Variants in KLK11 observed in about 807,000 individuals in gnomAD.
KLK11 encodes the protein kallikrein-11.
KLK11 carries 10 observed loss-of-function variants against 23.4 expected under a neutral mutation model. The ratio of observed to expected loss-of-function variants is 0.43; its 90% confidence interval spans 0.26 to 0.73. KLK11 has a LOEUF of 0.73. Ranked by LOEUF, KLK11 falls within the 30% of genes least tolerant of loss-of-function variation. The pLI is 0.22. For synonymous variants in KLK11, 131 were observed against 131.7 expected (o/e 0.99, Z 0.03); for missense variants, 285 against 327.8 (o/e 0.87, Z 1.01).
At chr19:51,026,470 A>G in intron 1 of KLK11, 68 bp downstream of exon 1, 1 of 696,724 alleles carries the variant, frequency 1.4e-6, no homozygotes, top group Non-Finnish European at 1.8e-6. Flanking sequence ...CCCGAGTGGG[A>G]CAGGTGTCCT....
At chr19:51,023,333 C>T in intron 4 of KLK11, 105 bp from the exon 5 acceptor site, 1 of 1,390,906 alleles carries the variant, frequency 7.2e-7, no homozygotes, top group Non-Finnish European at 9.8e-7. Flanking sequence ...TCCTTAGACG[C>T]AGCCAACTCA....
In KLK11 at chr19:51,024,098, G is replaced by A; in HGVS notation, c.410C>T (p.Thr137Ile). 1 of 1,577,480 alleles carries A rather than the reference G, an allele frequency of 6.3e-7. No homozygotes were observed. The highest frequency in any genetic ancestry group is 8.6e-7 in the Non-Finnish European group (1 of 1,156,430). The stretch of plus-strand genomic sequence containing the variant: ...GGAAATGAGGCAGCTGGTGCCAGCA[G>A]TGACACAGCGTGAGGAGAGGGTGAG... ...RPLTLSSRCVTAGTSCLISGW... is the reference protein window; with the variant it reads ...RPLTLSSRCVIAGTSCLISGW... Residue 137 changes from threonine to isoleucine, a missense_variant, in exon 4 of 6, where the codon ACT becomes ATT. Transcript: ENST00000453757. The surrounding 1 kb of genome is among the most constrained non-coding windows in gnomAD (Gnocchi z 6.2).
At position 51,023,133 on chromosome 19, in the gene KLK11, C is replaced by G; in HGVS notation, c.559G>C (p.Val187Leu). ...CCCCCTTCCTGCACGCTGGCACACA[C>G]CATGGTGTCTGTGATGTTGCCGGGG... Reference protein sequence around the residue: ...AYPGNITDTMVCASVQEGGKD... With the variant: ...AYPGNITDTMLCASVQEGGKD... The change falls in exon 5 of 6, where the codon GTG becomes CTG. Residue 187 changes from valine (V) to leucine (L), a missense_variant. Physicochemically the swap from Val to Leu is conservative, Grantham distance 32 (BLOSUM62 1). Coordinates refer to ENST00000453757, the MANE Select transcript of KLK11 (RefSeq NM_001136032.3). The G allele has an allele frequency of 6.2e-7, 1 of 1,613,018 alleles. No homozygotes were observed. The highest frequency in any genetic ancestry group is 8.5e-7 in the Non-Finnish European group (1 of 1,179,624).
At position 51,022,283 on chromosome 19, in the gene KLK11, T is replaced by C. The variant is rs2091413146; in HGVS notation, c.*262A>G. ...AACCTTGATATATGGCCAGGAGCTGTCTTTGGGGCTGGGGATACAACAGAG... is the reference window on the plus strand; with the variant it reads ...AACCTTGATATATGGCCAGGAGCTGCCTTTGGGGCTGGGGATACAACAGAG... On this transcript the variant is annotated 3_prime_UTR_variant, in exon 6 of 6. Coordinates refer to ENST00000453757, the MANE Select transcript of KLK11 (RefSeq NM_001136032.3). 2 of 519,014 alleles carry C rather than the reference T, an allele frequency of 3.9e-6. No homozygotes were observed. The highest frequency in any genetic ancestry group is 6.5e-5 in the Admixed American group (2 of 30,952). 32.2% of individuals were successfully genotyped at this position (519,014 alleles called of 1,614,324 possible).
In KLK11 at chr19:51,025,705, G is replaced by C. The variant is rs374127231; in HGVS notation, c.-35-39C>G. Reference sequence around the variant, plus strand: ...GGGACATGGGGCCGCATCACTTTACGGGGAAATCGGGAGGGGGGGGCTGGC... The same window carrying C: ...GGGACATGGGGCCGCATCACTTTACCGGGAAATCGGGAGGGGGGGGCTGGC... On this transcript the variant is annotated intron_variant, in intron 1 of 5. Coordinates refer to ENST00000453757, the MANE Select transcript of KLK11 (RefSeq NM_001136032.3). This position sits in a 1 kb window ranked among gnomAD's most constrained non-coding sequence, Gnocchi z 6.2. 3.4e-5 allele frequency: 33 copies of C among 972,414 alleles called. No homozygotes were observed. The highest frequency in any genetic ancestry group is 5.1e-5 in the Admixed American group (2 of 39,040). The allele number at this position is 972,414 out of a possible 1,614,324, so 60.2% of individuals were successfully genotyped here.
rs922442784 is a variant in KLK11, at chr19:51,025,455, A to G, written c.40+137T>C. Reference sequence around the variant, plus strand: ...CTAGAAGGGCATCCAGGCCCTCATGACCACTGCTCCAGTTCAGGTGCCTTA... The same window carrying G: ...CTAGAAGGGCATCCAGGCCCTCATGGCCACTGCTCCAGTTCAGGTGCCTTA... On this transcript the variant is annotated intron_variant, in intron 2 of 5. Transcript: ENST00000453757. The surrounding 1 kb of genome is among the most constrained non-coding windows in gnomAD (Gnocchi z 6.2). 1.9e-6 allele frequency: 1 copy of G among 518,394 alleles called. No homozygotes were observed. Among genetic ancestry groups the G allele is most frequent in the African/African-American group, 2.0e-5 (1 of 50,122 alleles). The allele number at this position is 518,394 out of a possible 1,614,324, so 32.1% of individuals were successfully genotyped here.
Position 51,024,212 on chromosome 19 carries a change from T to C in KLK11, c.296A>G (p.Asn99Ser), listed in dbSNP as rs768799596. The change falls in exon 4 of 6, where the codon AAC becomes AGC. Residue 99 changes from asparagine (N) to serine (S), a missense_variant. Coordinates refer to ENST00000453757, the MANE Select transcript of KLK11 (RefSeq NM_001136032.3). This position sits in a 1 kb window ranked among gnomAD's most constrained non-coding sequence, Gnocchi z 6.2. ...GTGGTCTTTGTTGGGGAGGCTGTTGTTGAAGCCGGGGTGGGGGAAGGACTC... is the reference window on the plus strand; with the variant it reads ...GTGGTCTTTGTTGGGGAGGCTGTTGCTGAAGCCGGGGTGGGGGAAGGACTC... ...ATESFPHPGF[N>S]NSLPNKDHRN... 27 of 1,613,948 alleles carry C rather than the reference T, an allele frequency of 1.7e-5. No individual in the cohort carries two copies. In the Admixed American group the frequency reaches 3.7e-4, roughly 22 times the overall value.
In KLK11 at chr19:51,026,602, C is replaced by G; in HGVS notation, c.-100G>C. The G allele has an allele frequency of 1.0e-6, 1 of 986,878 alleles. No homozygotes were observed. The allele number at this position is 986,878 out of a possible 1,614,324, so 61.1% of individuals were successfully genotyped here. A position where few individuals can be genotyped will look rare whatever the true frequency, so the allele number is the denominator to read the frequency against. On this transcript the variant is annotated 5_prime_UTR_variant, in exon 1 of 6. Coordinates refer to ENST00000453757, the MANE Select transcript of KLK11 (RefSeq NM_001136032.3). ...GAGACGGCAGTGGCGGCAGCTACAG[C>G]AGGTAGGCTGGGTTGGAGCGCCAGG...
At chr19:51,026,440 AG>A in intron 1 of KLK11, 97 bp downstream of exon 1, 1 of 403,814 alleles carries the variant, frequency 2.5e-6, no homozygotes. Context: ...AGAAGGACAG[AG>A]CAGAGGGAGA....
rs145172459 is a variant in KLK11, at chr19:51,025,640, G to A, written c.-9C>T. On this transcript the variant is annotated 5_prime_UTR_variant, in exon 2 of 6. Transcript: ENST00000453757. This position sits in a 1 kb window ranked among gnomAD's most constrained non-coding sequence, Gnocchi z 6.2. The stretch of plus-strand genomic sequence containing the variant: ...AACTGCAGAATCCTCATGGCCTGGA[G>A]GGGGGAGGAGCGGGCCCCAGGTTCC... 276 of 1,585,286 alleles carry A rather than the reference G, an allele frequency of 1.7e-4. No homozygotes were observed. In the African/African-American group the frequency reaches 3.1e-3, roughly 18 times the overall value.
chr19:51,023,946 C>A, intron 4 of KLK11, 99 bp downstream of exon 4: 2 of 1,051,952 alleles, frequency 1.9e-6, no homozygotes, highest in Non-Finnish European at 2.6e-6. Flanking sequence ...TATCCCACAT[C>A]GTCACTGTGA....
chr19:51,022,551 G>A lies in KLK11; in HGVS notation c.747C>T (p.Asn249=), dbSNP rs749451322. The change falls in exon 6 of 6, where the codon AAC becomes AAT. Residue 249 remains asparagine (N), a synonymous_variant. Coordinates refer to ENST00000453757, the MANE Select transcript of KLK11 (RefSeq NM_001136032.3). ...TGTGGTGGGTGGGTCCAGTCTAATTGTTCTTCATCGTCTCCTGGATCCAGT... is the reference window on the plus strand; with the variant it reads ...TGTGGTGGGTGGGTCCAGTCTAATTATTCTTCATCGTCTCCTGGATCCAGT... ...YVDWIQETMK[N]N is the part of the protein sequence containing the mutation. The A allele has an allele frequency of 5.5e-5, 88 of 1,614,112 alleles. No homozygotes were observed. The highest frequency in any genetic ancestry group is 7.2e-5 in the Non-Finnish European group (85 of 1,180,032).
In KLK11 at chr19:51,024,273, T is replaced by C. The variant is rs1480902377; in HGVS notation, c.235A>G (p.Lys79Glu). Residue 79 changes from lysine (K) to glutamate (E), a missense_variant, in exon 4 of 6, where the codon AAG becomes GAG. By Grantham distance (56) the Lys-to-Glu change is moderately conservative. Transcript: ENST00000453757. The surrounding 1 kb of genome is among the most constrained non-coding windows in gnomAD (Gnocchi z 6.2). ...CGGGTCTGCTCACAGCCCTCCTCCT[T>C]CTGGAGGTTGTGCTGCCCCAGGTGA... ...IVHLGQHNLQ[K>E]EEGCEQTRTA... 6.2e-7 allele frequency: 1 copy of C among 1,613,828 alleles called. No individual in the cohort carries two copies. The highest frequency in any genetic ancestry group is 8.5e-7 in the Non-Finnish European group (1 of 1,179,910).
At position 51,023,241 on chromosome 19, in the gene KLK11, C is replaced by A. The variant is rs763964723; in HGVS notation, c.464-13G>T. 1.2e-6 allele frequency: 2 copies of A among 1,610,428 alleles called. No homozygotes were observed. Among genetic ancestry groups the A allele is most frequent in the Non-Finnish European group, 1.7e-6 (2 of 1,179,062 alleles). ...TGAGGCAGGCGTACTGTGGAAACAG[C>A]GTGAGGGGCTGTGGGAATGAGCCCC... On this transcript the variant is annotated splice_polypyrimidine_tract_variant and intron_variant, in intron 4 of 5. Transcript: ENST00000453757.
rs962621014 is a variant in KLK11 at position 51,026,322 on chromosome 19, A to G, written c.-36+216T>C. Among the ~76,000 whole-genome samples, 24 of 151,954 alleles carry G rather than the reference A, an allele frequency of 1.6e-4. 1 individual carries two copies. The highest frequency in any genetic ancestry group is 5.8e-4 in the African/African-American group (24 of 41,444). The stretch of plus-strand genomic sequence containing the variant: ...CCCTGGCCAGCGGGGGTGGGAGCAG[A>G]GGGCCAGCTCAGCAGCTGAAGCCAT... On this transcript the variant is annotated intron_variant, in intron 1 of 5. Transcript: ENST00000453757.
At chr19:51,023,946 C>T (rs574500131) in intron 4 of KLK11, 99 bp downstream of exon 4, 15 of 1,051,948 alleles carry the variant, frequency 1.4e-5, no homozygotes, top group Middle Eastern at 3.2e-4. Flanking sequence ...TATCCCACAT[C>T]GTCACTGTGA....
chr19:51,022,582 T>C lies in KLK11; in HGVS notation c.716A>G (p.Tyr239Cys), dbSNP rs754875049. 6.2e-7 allele frequency: 1 copy of C among 1,614,062 alleles called. No homozygotes were observed. The highest frequency in any genetic ancestry group is 8.5e-7 in the Non-Finnish European group (1 of 1,180,022). The change falls in exon 6 of 6, where the codon TAT (tyrosine) becomes TGT (cysteine). Residue 239 changes from tyrosine to cysteine, a missense_variant. Tyr to Cys is a radical substitution (Grantham distance 194). Coordinates refer to ENST00000453757, the MANE Select transcript of KLK11 (RefSeq NM_001136032.3). ...KPGVYTKVCK[Y>C]VDWIQETMKN... is the part of the protein sequence containing the mutation. ...CATCGTCTCCTGGATCCAGTCCACA[T>C]ATTTGCAGACTTTCGTGTAGACACC...
chr19:51,022,746 T>C, intron 5 of KLK11, 49 bp from the exon 6 acceptor site: 2 of 1,607,268 alleles, frequency 1.2e-6, no homozygotes, highest in Non-Finnish European at 1.7e-6. Context: ...TTGAGCATGG[T>C]GTTAGCCAGG....
chr19:51,026,023 T>G (rs1466004333), intron 1 of KLK11, among the ~76,000 whole-genome samples: 1 of 152,094 alleles, frequency 6.6e-6, no homozygotes, highest in Non-Finnish European at 1.5e-5. Flanking sequence ...CTTCTTGCCT[T>G]GAGAGCTGGC....
Sources: allele counts gnomAD v4.1 joint callset (sites outside exome capture counted in the v4.1 genomes callset), GRCh38; gene constraint gnomAD v4.1.1; non-coding constraint Gnocchi (gnomAD v3.1); transcripts MANE v1.5; gene names NCBI Gene and HGNC (gene_info 2026-07-23, HGNC 2026-07-21).